AGBL3: variants seen among roughly 807,000 people sequenced by gnomAD.
AGBL3 encodes AGBL carboxypeptidase 3.
In AGBL3, 68 loss-of-function variants were observed where a neutral mutation model predicts 94.5. That is an observed-to-expected ratio of 0.72 (90% CI 0.59 to 0.88). The LOEUF (loss-of-function observed/expected upper bound fraction) is 0.88, where lower values mean the gene tolerates loss of function less well. AGBL3 is among the 40% of genes least tolerant of loss of function. The pLI is 0.00. For synonymous variants in AGBL3, 354 were observed against 370.7 expected, an observed-to-expected ratio of 0.95 and a Z score of 0.52; for missense variants, 934 against 1,103.8, an observed-to-expected ratio of 0.85 and a Z score of 2.18.
chr7:134,989,220 AAG>A, intron 2 of AGBL3, 28 bp from the exon 3 acceptor site: 1 of 1,499,792 alleles, frequency 6.7e-7, no homozygotes, highest in East Asian at 2.5e-5. Context: ...TGGTTTTTAA[AAG>A]AGAAATATTT....
chr7:135,111,974 G>A (rs561705812), intron 15 of AGBL3, among the ~76,000 whole-genome samples: 54 of 151,670 alleles, frequency 3.6e-4, no homozygotes, highest in Non-Finnish European at 5.6e-4. Flanking sequence ...GTCCACTTCC[G>A]ATCTCTTTCT....
At chr7:134,996,501 T>A (rs1253520602) in intron 4 of AGBL3, among the ~76,000 whole-genome samples, 1 of 152,070 alleles carries the variant, frequency 6.6e-6, no homozygotes, top group Non-Finnish European at 1.5e-5. Flanking sequence ...TCCCCAGAGG[T>A]AAAAATAGAG....
intron 4 of AGBL3, among the ~76,000 whole-genome samples, chr7:135,000,619 A>G (rs1563169851): frequency 6.6e-6 from 1 of 152,218 alleles, no homozygotes; most frequent in Non-Finnish European, 1.5e-5. Flanking sequence ...GCATATGTGT[A>G]TATTCACTGA....
chr7:135,056,515 A>G (rs1000553279), intron 11 of AGBL3, among the ~76,000 whole-genome samples: 17 of 152,074 alleles, frequency 1.1e-4, no homozygotes, highest in African/African-American at 4.1e-4. Flanking sequence ...ATATCAAAGA[A>G]TTTTTTAAAA....
At chr7:135,118,853 G>A (rs1826703313) in intron 16 of AGBL3, among the ~76,000 whole-genome samples, 1 of 152,004 alleles carries the variant, frequency 6.6e-6, no homozygotes, top group Non-Finnish European at 1.5e-5. Flanking sequence ...TTTTTGAATT[G>A]AAAAATACCA....
intron 9 of AGBL3, among the ~76,000 whole-genome samples, chr7:135,044,411 C>G (rs937263764): frequency 2.0e-5 from 3 of 151,914 alleles, no homozygotes; most frequent in African/African-American, 7.2e-5. Context: ...TCTTTAAATG[C>G]TTGTTGTTTT....
Position 135,026,115 on chromosome 7 carries a change from G to T in AGBL3, c.419-6729G>T, listed in dbSNP as rs556969413. Among the ~76,000 whole-genome samples the T allele has an allele frequency of 1.9e-4, 29 of 151,242 alleles. No homozygotes were observed. The South Asian group carries it at 6.3e-3, about 33-fold the overall frequency. ...CACAGAATATGTATTCTTCTCATTT[G>T]CACATGAAACATATTCTAAGATCAA... is the stretch of plus-strand genomic sequence containing the variant. On this transcript the variant is annotated intron_variant, in intron 5 of 16. Coordinates refer to ENST00000436302, the MANE Select transcript of AGBL3 (RefSeq NM_178563.4).
intron 8 of AGBL3, among the ~76,000 whole-genome samples, chr7:135,040,901 A>T (rs982782718): frequency 6.6e-6 from 1 of 151,780 alleles, no homozygotes; most frequent in Non-Finnish European, 1.5e-5. Flanking sequence ...ACACACACAC[A>T]CACAAAACTA....
intron 11 of AGBL3, among the ~76,000 whole-genome samples, chr7:135,056,200 A>G (rs760179755): frequency 6.6e-6 from 1 of 152,060 alleles, no homozygotes; most frequent in African/African-American, 2.4e-5. Flanking sequence ...GATCTTTTCA[A>G]AGCAGCAGCA....
intron 16 of AGBL3, among the ~76,000 whole-genome samples, chr7:135,118,483 C>T (rs986040815): frequency 7.2e-5 from 11 of 152,138 alleles, no homozygotes; most frequent in African/African-American, 2.7e-4. Context: ...CCTGGACTTC[C>T]ACTTCCATCT....
chr7:135,025,927 A>G (rs1378671303), intron 5 of AGBL3, among the ~76,000 whole-genome samples: 4 of 151,498 alleles, frequency 2.6e-5, no homozygotes, highest in Non-Finnish European at 4.4e-5. Flanking sequence ...TCGTTTCATA[A>G]AAGTTCTTCT....
intron 12 of AGBL3, among the ~76,000 whole-genome samples, chr7:135,062,598 C>T (rs1421795334): frequency 6.6e-6 from 1 of 151,990 alleles, no homozygotes; most frequent in Non-Finnish European, 1.5e-5. Flanking sequence ...TCAAATGCTT[C>T]CTTCTGCATA....
At chr7:135,109,906 G>T (rs114462109) in intron 15 of AGBL3, among the ~76,000 whole-genome samples, 3 of 152,212 alleles carry the variant, frequency 2.0e-5, no homozygotes, top group African/African-American at 7.2e-5. Context: ...TACCAGGGAG[G>T]CTCTGAACCA....
chr7:134,995,714 C>T (rs565994425), intron 4 of AGBL3, among the ~76,000 whole-genome samples: 29 of 152,330 alleles, frequency 1.9e-4, no homozygotes, highest in African/African-American at 6.5e-4. Flanking sequence ...TCTCAGCATA[C>T]GTTTCCCAAG....
At chr7:135,005,622 G>A (rs1187829267) in intron 4 of AGBL3, among the ~76,000 whole-genome samples, 1 of 151,676 alleles carries the variant, frequency 6.6e-6, no homozygotes, top group Non-Finnish European at 1.5e-5. Context: ...TATATGGAAA[G>A]GCTAAAGAAC....
At chr7:135,024,287 C>T (rs1258168369) in intron 5 of AGBL3, among the ~76,000 whole-genome samples, 1 of 152,152 alleles carries the variant, frequency 6.6e-6, no homozygotes, top group East Asian at 1.9e-4. Flanking sequence ...AGGTGTGCTG[C>T]AATACAAAAG....
chr7:135,108,845 C>T (rs1023271731), intron 15 of AGBL3, among the ~76,000 whole-genome samples: 3 of 152,186 alleles, frequency 2.0e-5, no homozygotes, highest in Admixed American at 6.5e-5. Context: ...GGCCTCTTTA[C>T]ATAATCCATG....
intron 4 of AGBL3, among the ~76,000 whole-genome samples, chr7:135,013,669 G>A (rs1044342900): frequency 2.6e-5 from 4 of 151,642 alleles, no homozygotes; most frequent in Non-Finnish European, 5.9e-5. Flanking sequence ...AGACACTTCC[G>A]CTGACAGTCA....
intron 12 of AGBL3, among the ~76,000 whole-genome samples, chr7:135,075,259 C>T (rs1292197220): frequency 6.6e-6 from 1 of 152,210 alleles, no homozygotes; most frequent in East Asian, 1.9e-4. Context: ...AACCACAAAT[C>T]TGTTCCGCAT....
Sources: gnomAD v4.1 joint callset for allele counts (sites outside exome capture counted in the v4.1 genomes callset) on GRCh38, gnomAD v4.1.1 for gene constraint, MANE v1.5 for transcripts, NCBI Gene and HGNC (gene_info 2026-07-23, HGNC 2026-07-21) for gene names.